The following MYPN variants were observed in gnomAD, a reference collection of about 807,000 sequenced individuals.
The protein encoded by MYPN is myopalladin, also known as sarcomeric protein myopalladin, 145 kDa (MYOP).
Under a neutral mutation model 129.4 loss-of-function variants are expected in MYPN, and 63 were observed. That is an observed-to-expected ratio of 0.49 (90% CI 0.40 to 0.60). The LOEUF is 0.60. MYPN is among the 20% of genes least tolerant of loss of function. The pLI is 0.00. For missense variants in MYPN, 1,596 were observed against 1,635.4 expected (o/e 0.98, Z 0.42); for synonymous variants, 629 against 600.9 (o/e 1.05, Z -0.68).
chr10:68,122,400 C>G, intron 2 of MYPN, 60 bp downstream of exon 2: 7 of 1,553,108 alleles, frequency 4.5e-6, no homozygotes, highest in Non-Finnish European at 8.9e-7. Context: ...ATGACCCTCC[C>G]AAGTATTATC....
At position 68,174,393 on chromosome 10, in the gene MYPN, C is replaced by G; in HGVS notation, c.2301C>G (p.His767Gln). The G allele has an allele frequency of 6.2e-7, 1 of 1,614,158 alleles. No homozygotes were observed. Among genetic ancestry groups the G allele is most frequent in the Non-Finnish European group, 8.5e-7 (1 of 1,180,032 alleles). ...TVSKESLLVS[H>Q]PSVQTKSPGG... ...GCAAAGAAAGCCTCTTAGTGTCTCA[C>G]CCCTCTGTGCAAACCAAATCTCCAG... The change falls in exon 11 of 20, where the codon CAC becomes CAG. Residue 767 changes from histidine (H) to glutamine (Q), a missense_variant. By Grantham distance (24) the His-to-Gln change is conservative. Coordinates refer to ENST00000358913, the MANE Select transcript of MYPN (RefSeq NM_032578.4).
At chr10:68,143,310 A>G (rs2042606716) in intron 3 of MYPN, among the ~76,000 whole-genome samples, 195 bp downstream of exon 3, 1 of 152,214 alleles carries the variant, frequency 6.6e-6, no homozygotes, top group Non-Finnish European at 1.5e-5. Context: ...ACAGAAAATA[A>G]ACAAGATAAA....
intron 2 of MYPN, among the ~76,000 whole-genome samples, chr10:68,134,685 C>T (rs2042459390): frequency 6.6e-6 from 1 of 152,100 alleles, no homozygotes; most frequent in Admixed American, 6.6e-5. Flanking sequence ...GTCCCAGCTA[C>T]TCTGAAGGCT....
At chr10:68,166,898 G>A (rs1364374695) in intron 10 of MYPN, among the ~76,000 whole-genome samples, 1 of 152,066 alleles carries the variant, frequency 6.6e-6, no homozygotes, top group African/African-American at 2.4e-5. Context: ...AAATTAGCAG[G>A]CATGGTGGTG....
rs10603125 is a variant in MYPN, at chr10:68,158,905, C to CT, written c.1459+292dup. 5.2e-3 allele frequency among the ~76,000 whole-genome samples: 768 copies of CT among 147,454 alleles called. 4 individuals carry two copies. Among genetic ancestry groups the CT allele is most frequent in the Middle Eastern group, 0.011 (3 of 284 alleles). ...TGTCCATAAACACAGAGCCTCCTTA[C>CT]TTTTTTTTTTTTTTAGATGGAATCT... On this transcript the variant is annotated intron_variant, in intron 7 of 19. Coordinates refer to ENST00000358913, the MANE Select transcript of MYPN (RefSeq NM_032578.4).
At chr10:68,208,391 T>A (rs574657652) in intron 19 of MYPN, among the ~76,000 whole-genome samples, 39 of 152,308 alleles carry the variant, frequency 2.6e-4, no homozygotes, top group Admixed American at 2.4e-3. Flanking sequence ...ATTTTCTGGT[T>A]ATTTTCCCTT....
At position 68,211,155 on chromosome 10, in the gene MYPN, TC is replaced by T. The variant is rs1414987359; in HGVS notation, c.*701del. 4.4e-6 allele frequency: 2 copies of T among 454,090 alleles called. No individual in the cohort carries two copies. Among genetic ancestry groups the T allele is most frequent in the Admixed American group, 4.7e-5 (2 of 42,572 alleles). The allele number at this position is 454,090 out of a possible 1,614,324, so 28.1% of individuals were successfully genotyped here. ...CCTTACCAGCTTGTCTGCACTATTT[TC>T]TTTTGGGTGGTGACTGTTTTTTTCT... On this transcript the variant is annotated 3_prime_UTR_variant, in exon 20 of 20. Coordinates refer to ENST00000358913, the MANE Select transcript of MYPN (RefSeq NM_032578.4).
Position 68,194,505 on chromosome 10 carries a change from A to AC in MYPN, c.3073dup (p.Gln1025ProfsTer62), listed in dbSNP as rs897943764. On this transcript the variant is annotated frameshift_variant, in exon 14 of 20. Coordinates refer to ENST00000358913, the MANE Select transcript of MYPN (RefSeq NM_032578.4). LOFTEE classifies it high-confidence loss of function. ...GGCAACTACACCATCATGGCAGCCA[A>AC]CCCCCAGGTGGAGACGCAGGGTTCT... 3 of 1,613,540 alleles carry AC rather than the reference A, an allele frequency of 1.9e-6. No homozygotes were observed. The highest frequency in any genetic ancestry group is 2.5e-6 in the Non-Finnish European group (3 of 1,179,724).
In MYPN at chr10:68,197,154, C is replaced by T. The variant is rs145595864; in HGVS notation, c.3159-198C>T. Among the ~76,000 whole-genome samples the T allele has an allele frequency of 1.5e-4, 23 of 152,050 alleles. No individual in the cohort carries two copies. In the East Asian group the frequency reaches 3.9e-3, roughly 26 times the overall value. Reference sequence around the variant, plus strand: ...TTGCAGATCTCGCAAGACAATCCCACAGTATATGAGATACTTACCACTTTG... The same window carrying T: ...TTGCAGATCTCGCAAGACAATCCCATAGTATATGAGATACTTACCACTTTG... On this transcript the variant is annotated intron_variant, in intron 15 of 19. Coordinates refer to ENST00000358913, the MANE Select transcript of MYPN (RefSeq NM_032578.4).
upstream of MYPN, among the ~76,000 whole-genome samples, chr10:68,101,307 G>A (rs1204074958): frequency 6.6e-6 from 1 of 152,222 alleles, no homozygotes; most frequent in African/African-American, 2.4e-5. Flanking sequence ...GAGAAGGCAA[G>A]GAAATATTGG....
At chr10:68,109,210 A>G (rs1270425031), upstream of MYPN, 1 of 172,060 alleles carries the variant, frequency 5.8e-6, no homozygotes, top group Non-Finnish European at 1.3e-5. Flanking sequence ...GATCTTAAAA[A>G]TTAAAATGAA....
chr10:68,197,755 T>TA (rs1380740450), intron 16 of MYPN, among the ~76,000 whole-genome samples: 1 of 152,196 alleles, frequency 6.6e-6, no homozygotes, highest in Non-Finnish European at 1.5e-5. Context: ...AAAGAGGTGA[T>TA]ACACAGTAGT....
At chr10:68,120,487 A>G (rs1187872638) in intron 1 of MYPN, among the ~76,000 whole-genome samples, 1 of 152,226 alleles carries the variant, frequency 6.6e-6, no homozygotes, top group Non-Finnish European at 1.5e-5. Flanking sequence ...TTAAAAACCT[A>G]GGCTCTAACT....
At chr10:68,192,172 T>C (rs1188861350) in intron 13 of MYPN, among the ~76,000 whole-genome samples, 1 of 152,214 alleles carries the variant, frequency 6.6e-6, no homozygotes, top group Non-Finnish European at 1.5e-5. Context: ...TTGTGTTCCT[T>C]CTACACTCAA....
intron 13 of MYPN, among the ~76,000 whole-genome samples, 159 bp downstream of exon 13, chr10:68,189,285 T>C (rs1258395682): frequency 6.6e-6 from 1 of 152,226 alleles, no homozygotes; most frequent in Non-Finnish European, 1.5e-5. Context: ...AATATTTTGA[T>C]ACATGTATAC....
At chr10:68,097,166 C>T (rs905997470) in intron 1 of MYPN, among the ~76,000 whole-genome samples, 8 of 152,108 alleles carry the variant, frequency 5.3e-5, no homozygotes, top group Non-Finnish European at 1.0e-4. Flanking sequence ...TCTATGTTAC[C>T]GGTGTGAATC....
In MYPN at chr10:68,166,345, C is replaced by T. The variant is rs772630052; in HGVS notation, c.1652C>T (p.Thr551Ile). The T allele has an allele frequency of 1.2e-6, 2 of 1,614,090 alleles. No homozygotes were observed. Among genetic ancestry groups the T allele is most frequent in the Middle Eastern group, 1.6e-4 (1 of 6,062 alleles). Residue 551 changes from threonine (T) to isoleucine (I), a missense_variant, in exon 10 of 20, where the codon ACC becomes ATC. Transcript: ENST00000358913. ...TCTCTTCACTCAGCCAACTCTACCA[C>T]CAACCTGGCAGCTATTGAGCCACAG... is the stretch of plus-strand genomic sequence containing the variant. Reference protein sequence around the residue: ...NGSLHSANSTTNLAAIEPQPS... With the variant: ...NGSLHSANSTINLAAIEPQPS...
intron 1 of MYPN, among the ~76,000 whole-genome samples, chr10:68,094,922 C>T (rs2041949346): frequency 6.6e-6 from 1 of 152,020 alleles, no homozygotes; most frequent in Non-Finnish European, 1.5e-5. Context: ...AGTAGCTGGG[C>T]ATGGTGGCGG....
chr10:68,172,890 T>C (rs912086797), intron 10 of MYPN, among the ~76,000 whole-genome samples: 1 of 151,842 alleles, frequency 6.6e-6, no homozygotes, highest in African/African-American at 2.4e-5. Context: ...CTGGCCAAAA[T>C]GGTGAAACCC....
Sources: allele counts gnomAD v4.1 joint callset (sites outside exome capture counted in the v4.1 genomes callset), GRCh38; gene constraint gnomAD v4.1.1; transcripts MANE v1.5; gene names NCBI Gene and HGNC (gene_info 2026-07-23, HGNC 2026-07-21).